The following CSMD2 variants were observed in gnomAD, a reference collection of about 807,000 sequenced individuals.
CSMD2 encodes the protein CUB and sushi domain-containing protein 2.
CSMD2 carries 130 observed loss-of-function variants against 398.5 expected under a neutral mutation model. That is an observed-to-expected ratio of 0.33 (90% CI 0.28 to 0.38). CSMD2 has a LOEUF of 0.38. CSMD2 is among the 10% of genes least tolerant of loss of function. The probability of loss-of-function intolerance (pLI) is 1.00; values close to 1 mark genes in which losing one functional copy is unlikely to be tolerated. For synonymous variants in CSMD2, 1,828 were observed against 1,908.5 expected (o/e 0.96, Z 1.10); for missense variants, 3,829 against 4,764.9 (o/e 0.80, Z 5.78).
intron 1 of CSMD2, among the ~76,000 whole-genome samples, chr1:34,090,195 C>A (rs1003761785): frequency 6.6e-6 from 1 of 152,198 alleles, no homozygotes; most frequent in Non-Finnish European, 1.5e-5. Context: ...GGGAATCTGT[C>A]TCAAATGGAG....
At chr1:33,928,811 G>A (rs113286512) in intron 4 of CSMD2, among the ~76,000 whole-genome samples, 2,461 of 152,286 alleles carry the variant, frequency 0.016, 62 homozygotes, top group African/African-American at 0.055. Flanking sequence ...CACTGCACCC[G>A]GCATAGTGTT....
chr1:33,998,013 G>T (rs1326953800), intron 3 of CSMD2, among the ~76,000 whole-genome samples: 4 of 152,168 alleles, frequency 2.6e-5, no homozygotes, highest in Non-Finnish European at 5.9e-5. Context: ...TACAATTCAT[G>T]TTGAAATTTA....
chr1:33,724,449 G>A, intron 18 of CSMD2, 67 bp downstream of exon 18: 1 of 1,571,344 alleles, frequency 6.4e-7, no homozygotes, highest in Non-Finnish European at 8.7e-7. Context: ...GTGGTCTTTT[G>A]AGCACCTGTG....
At position 34,164,930 on chromosome 1, in the gene CSMD2, G is replaced by A; in HGVS notation, c.168C>T (p.Leu56=). 4.1e-6 allele frequency: 5 copies of A among 1,220,226 alleles called. No homozygotes were observed. Among genetic ancestry groups the A allele is most frequent in the Non-Finnish European group, 5.1e-6 (5 of 980,576 alleles). The allele number at this position is 1,220,226 out of a possible 1,614,324, so 75.6% of individuals were successfully genotyped here. A position where few individuals can be genotyped will look rare whatever the true frequency, so the allele number is the denominator to read the frequency against. The part of the protein sequence containing the change: ...PLLLLLGCGL[L]SVSAAAGQNC... ...ACTCACCCGCGGCGGCCGAGACGCT[G>A]AGCAACCCACAGCCCAGCAACAGCA... The change falls in exon 1 of 71, where the codon CTC becomes CTT. Residue 56 remains leucine (L), a synonymous_variant. Coordinates refer to ENST00000373381, the MANE Select transcript of CSMD2 (RefSeq NM_001281956.2). The surrounding 1 kb of genome is among the most constrained non-coding windows in gnomAD (Gnocchi z 6.2).
chr1:33,945,128 C>T (rs1216721150), intron 3 of CSMD2, among the ~76,000 whole-genome samples: 1 of 152,000 alleles, frequency 6.6e-6, no homozygotes, highest in East Asian at 1.9e-4. Context: ...CCATGGCTTC[C>T]TCTCTTCCAC....
rs543539581 is a variant in CSMD2, at chr1:33,755,289, T to C, written c.1847-11683A>G. Reference sequence around the variant, plus strand: ...GCTCAGAAGCTCAGTGTATGTAAAGTTGTGTCTCAGTTATCTTAATGTCAT... The same window carrying C: ...GCTCAGAAGCTCAGTGTATGTAAAGCTGTGTCTCAGTTATCTTAATGTCAT... On this transcript the variant is annotated intron_variant, in intron 13 of 70. Transcript: ENST00000373381. Among the ~76,000 whole-genome samples, 17 of 152,308 alleles carry C rather than the reference T, an allele frequency of 1.1e-4. 1 individual carries two copies. Among genetic ancestry groups the C allele is most frequent in the African/African-American group, 9.6e-5 (4 of 41,550 alleles).
chr1:33,806,220 A>G (rs1656214337), intron 10 of CSMD2, among the ~76,000 whole-genome samples: 1 of 152,210 alleles, frequency 6.6e-6, no homozygotes, highest in Non-Finnish European at 1.5e-5. Flanking sequence ...ACCCTCTGGG[A>G]GGATCTGGAG....
intron 11 of CSMD2, 23 bp downstream of exon 11, chr1:33,792,400 A>G: frequency 6.3e-7 from 1 of 1,579,612 alleles, no homozygotes; most frequent in Non-Finnish European, 8.7e-7. Context: ...CACCTTCCAA[A>G]CAACATGCCC....
intron 12 of CSMD2, among the ~76,000 whole-genome samples, chr1:33,778,596 C>A (rs1346173587): frequency 1.3e-5 from 2 of 152,012 alleles, no homozygotes; most frequent in Non-Finnish European, 2.9e-5. Context: ...GTCCCTGGAA[C>A]ACACAGAATA....
chr1:34,135,774 A>T (rs988349364), intron 1 of CSMD2, among the ~76,000 whole-genome samples: 2 of 152,148 alleles, frequency 1.3e-5, no homozygotes, highest in African/African-American at 4.8e-5. Context: ...CATGTTACAG[A>T]GTAATGTATA....
chr1:33,761,358 G>A (rs536221458), intron 13 of CSMD2, among the ~76,000 whole-genome samples: 20 of 152,312 alleles, frequency 1.3e-4, no homozygotes, highest in Admixed American at 2.6e-4. Context: ...TACTCGTAGC[G>A]TCCTATTCTT....
rs372775240 is a variant in CSMD2 at position 33,628,526 on chromosome 1, G to A, written c.5201-1945C>T. ...TCTACTAAACATACAAAAATTAGCC[G>A]GGTATGGTGGAGCACACCTGGAGTC... is the stretch of plus-strand genomic sequence containing the variant. On this transcript the variant is annotated intron_variant, in intron 32 of 70. Transcript: ENST00000373381. Among the ~76,000 whole-genome samples the A allele has an allele frequency of 2.2e-4, 33 of 152,094 alleles. No individual in the cohort carries two copies. In the East Asian group the frequency reaches 3.9e-3, roughly 18 times the overall value.
rs1165803634 is a variant in CSMD2 at position 33,657,935 on chromosome 1, C to T, written c.4447+11G>A. 1 of 1,604,710 alleles carries T rather than the reference C, an allele frequency of 6.2e-7. No homozygotes were observed. On this transcript the variant is annotated intron_variant, in intron 27 of 70. Coordinates refer to ENST00000373381, the MANE Select transcript of CSMD2 (RefSeq NM_001281956.2). ...CCCAAGAGCAGAGTGCACCCTGCAG[C>T]TGCTTTGTACCGATGCATGTTGGCG...
At chr1:33,526,675 A>G (rs1570621233) in intron 65 of CSMD2, among the ~76,000 whole-genome samples, 1 of 152,268 alleles carries the variant, frequency 6.6e-6, no homozygotes, top group Non-Finnish European at 1.5e-5. Flanking sequence ...CTGATGCCAA[A>G]TCTAGCCTCG....
At chr1:33,751,312 C>T (rs1648207943) in intron 13 of CSMD2, among the ~76,000 whole-genome samples, 1 of 151,836 alleles carries the variant, frequency 6.6e-6, no homozygotes, top group Non-Finnish European at 1.5e-5. Context: ...AGAGTGGTGT[C>T]ATACAGACAA....
chr1:33,617,640 GA>G (rs1557629656), intron 37 of CSMD2, 23 bp from the exon 38 acceptor site: 3 of 1,590,948 alleles, frequency 1.9e-6, no homozygotes, highest in Non-Finnish European at 2.6e-6. Flanking sequence ...GAGACAGAAG[GA>G]AAGGAGAATG....
intron 57 of CSMD2, among the ~76,000 whole-genome samples, chr1:33,545,253 C>A (rs898171324): frequency 6.6e-6 from 1 of 152,160 alleles, no homozygotes; most frequent in Non-Finnish European, 1.5e-5. Context: ...TGGGGACCAA[C>A]TGCAAGAGGA....
chr1:33,572,418 C>A, intron 50 of CSMD2, 88 bp downstream of exon 50: 17 of 1,112,700 alleles, frequency 1.5e-5, no homozygotes, highest in East Asian at 2.7e-5. Flanking sequence ...CCCCTCATTA[C>A]TTTGCTTTTA....
At chr1:34,063,499 G>A (rs1654758574) in intron 2 of CSMD2, among the ~76,000 whole-genome samples, 1 of 152,198 alleles carries the variant, frequency 6.6e-6, no homozygotes, top group Admixed American at 6.5e-5. Flanking sequence ...TCCAGATGGG[G>A]CAGTCAAATT....
Sources: gnomAD v4.1 joint callset for allele counts (sites outside exome capture counted in the v4.1 genomes callset) on GRCh38, gnomAD v4.1.1 for gene constraint, Gnocchi (gnomAD v3.1) non-coding constraint, MANE v1.5 for transcripts, NCBI Gene and HGNC (gene_info 2026-07-23, HGNC 2026-07-21) for gene names.